PPP2R3A: variants seen among roughly 807,000 people sequenced by gnomAD.
PPP2R3A encodes the protein serine/threonine-protein phosphatase 2A regulatory subunit B'' subunit alpha.
Under a neutral mutation model 106.9 loss-of-function variants are expected in PPP2R3A, and 80 were observed. The ratio of observed to expected loss-of-function variants is 0.75; its 90% confidence interval spans 0.62 to 0.90. The LOEUF is 0.90. PPP2R3A is among the 40% of genes least tolerant of loss of function. The probability of loss-of-function intolerance (pLI) is 0.00; values close to 1 mark genes in which losing one functional copy is unlikely to be tolerated. For synonymous variants in PPP2R3A, 483 were observed against 468.3 expected, an observed-to-expected ratio of 1.03 and a Z score of -0.41; for missense variants, 1,386 against 1,350.4, an observed-to-expected ratio of 1.03 and a Z score of -0.41.
In PPP2R3A at chr3:136,133,788, A is replaced by T. The variant is rs186989930; in HGVS notation, c.3330-11255A>T. Among the ~76,000 whole-genome samples the T allele has an allele frequency of 7.9e-3, 1,177 of 149,090 alleles. 14 individuals are homozygous for T. The highest frequency in any genetic ancestry group is 0.048 in the East Asian group (245 of 5,114). On this transcript the variant is annotated intron_variant, in intron 13 of 13. Transcript: ENST00000264977. ...CAAAAATAAATATGTATATATATATATTTTTAAATATATGTATTTTTTATA... is the reference window on the plus strand; with the variant it reads ...CAAAAATAAATATGTATATATATATTTTTTTAAATATATGTATTTTTTATA...
intron 5 of PPP2R3A, among the ~76,000 whole-genome samples, chr3:136,062,643 G>T (rs545133487): frequency 6.6e-6 from 1 of 151,628 alleles, no homozygotes; most frequent in African/African-American, 2.4e-5. Context: ...GCGTGAACCT[G>T]GGAGGCGGAG....
rs1938105848 is a variant in PPP2R3A, at chr3:136,124,322, T to A, written c.3329+18000T>A. ...CTGGGCAGCACAGCGAGACCCCACT[T>A]CTACAGAATTAGCCGGGCATGGGGA... On this transcript the variant is annotated intron_variant, in intron 13 of 13. Coordinates refer to ENST00000264977, the MANE Select transcript of PPP2R3A (RefSeq NM_002718.5). Among the ~76,000 whole-genome samples the A allele has an allele frequency of 2.6e-5, 4 of 152,120 alleles. No homozygotes were observed. The East Asian group carries it at 7.7e-4, about 29-fold the overall frequency.
At chr3:136,037,251 C>G (rs1935116846) in intron 3 of PPP2R3A, among the ~76,000 whole-genome samples, 1 of 152,216 alleles carries the variant, frequency 6.6e-6, no homozygotes, top group South Asian at 2.1e-4. Flanking sequence ...AGACCTCAAA[C>G]AGCCCTGAAG....
intron 2 of PPP2R3A, among the ~76,000 whole-genome samples, chr3:136,018,571 G>C (rs1203839607): frequency 6.6e-6 from 1 of 152,186 alleles, no homozygotes; most frequent in African/African-American, 2.4e-5. Context: ...CTAACAGAAT[G>C]AATTGTATAA....
intron 12 of PPP2R3A, among the ~76,000 whole-genome samples, chr3:136,105,047 C>T (rs773703155): frequency 2.0e-5 from 3 of 152,074 alleles, no homozygotes; most frequent in Non-Finnish European, 4.4e-5. Context: ...TGAAGAGATA[C>T]TGGATATATG....
intron 2 of PPP2R3A, among the ~76,000 whole-genome samples, chr3:136,013,369 C>CA (rs1421450720): frequency 6.6e-6 from 1 of 151,968 alleles, no homozygotes; most frequent in South Asian, 2.1e-4. Context: ...GGGTAGATAC[C>CA]CAGTAGTGGG....
At chr3:136,061,752 C>T (rs60262328) in intron 5 of PPP2R3A, among the ~76,000 whole-genome samples, 1 of 151,896 alleles carries the variant, frequency 6.6e-6, no homozygotes, top group Non-Finnish European at 1.5e-5. Context: ...AACCCTGTCT[C>T]TACTAAAAAT....
At chr3:136,099,835 G>C (rs1283616133) in intron 10 of PPP2R3A, among the ~76,000 whole-genome samples, 1 of 151,098 alleles carries the variant, frequency 6.6e-6, no homozygotes, top group South Asian at 2.1e-4. Flanking sequence ...AATTTGATTA[G>C]CCACATTTCA....
At position 136,147,565 on chromosome 3, in the gene PPP2R3A, TTAAGTATA is replaced by T. The variant is rs1939187633; in HGVS notation, c.*2400_*2407del. The T allele has an allele frequency of 6.6e-6, 1 of 152,624 alleles. No homozygotes were observed. The highest frequency in any genetic ancestry group is 2.1e-4 in the South Asian group (1 of 4,828). 9.5% of individuals were successfully genotyped at this position (152,624 alleles called of 1,614,324 possible). A position where few individuals can be genotyped will look rare whatever the true frequency, so the allele number is the denominator to read the frequency against. Reference sequence around the variant, plus strand: ...TTTGACTTTCTGGTAAAGATCATGGTTAAGTATAATCATTACTGCCAAACTGGAATTTT... The same window carrying T: ...TTTGACTTTCTGGTAAAGATCATGGTATCATTACTGCCAAACTGGAATTTT... On this transcript the variant is annotated 3_prime_UTR_variant, in exon 14 of 14. Coordinates refer to ENST00000264977, the MANE Select transcript of PPP2R3A (RefSeq NM_002718.5).
intron 1 of PPP2R3A, among the ~76,000 whole-genome samples, chr3:135,974,058 T>C (rs1161163838): frequency 6.6e-6 from 1 of 152,210 alleles, no homozygotes; most frequent in Non-Finnish European, 1.5e-5. Context: ...TTACTTGACC[T>C]TTCAGCAGCA....
intron 5 of PPP2R3A, among the ~76,000 whole-genome samples, chr3:136,053,369 A>C (rs547736249): frequency 4.9e-4 from 74 of 152,272 alleles, no homozygotes; most frequent in Non-Finnish European, 7.9e-4. Context: ...TCAAAAAAAA[A>C]GAAAAAAAAA....
chr3:136,030,394 T>C (rs1934829236), intron 3 of PPP2R3A, among the ~76,000 whole-genome samples: 1 of 152,136 alleles, frequency 6.6e-6, no homozygotes, highest in African/African-American at 2.4e-5. Flanking sequence ...TAGCTAATTC[T>C]CTTTTTTTCT....
intron 3 of PPP2R3A, among the ~76,000 whole-genome samples, chr3:136,033,488 A>G (rs1934978034): frequency 6.6e-6 from 1 of 152,254 alleles, no homozygotes; most frequent in South Asian, 2.1e-4. Context: ...AATGTCTGGT[A>G]GAATTCGGCT....
At chr3:136,127,752 G>A (rs915768912) in intron 13 of PPP2R3A, among the ~76,000 whole-genome samples, 1 of 152,146 alleles carries the variant, frequency 6.6e-6, no homozygotes, top group Non-Finnish European at 1.5e-5. Context: ...AGTGCTAAGG[G>A]CAGCCAGAGA....
rs777231140 is a variant in PPP2R3A, at chr3:136,002,726, G to A, written c.1228G>A (p.Asp410Asn). ...MNPLENVSSD[D>N]LMETLYIEEE... ...TCCTTTAGAAAATGTTTCTTCTGAC[G>A]ACTTAATGGAAACTCTTTATATTGA... The change falls in exon 2 of 14, where the codon GAC (aspartate) becomes AAC (asparagine). Residue 410 changes from aspartate to asparagine, a missense_variant. Physicochemically the swap from Asp to Asn is conservative, Grantham distance 23 (BLOSUM62 1). Transcript: ENST00000264977. 4 of 1,612,746 alleles carry A rather than the reference G, an allele frequency of 2.5e-6. No individual in the cohort carries two copies. Among genetic ancestry groups the A allele is most frequent in the South Asian group, 2.2e-5 (2 of 90,704 alleles).
intron 4 of PPP2R3A, among the ~76,000 whole-genome samples, chr3:136,048,168 T>C (rs1463844932): frequency 4.6e-5 from 7 of 151,826 alleles, no homozygotes; most frequent in Admixed American, 4.6e-4. Context: ...ACAGAAATAA[T>C]AAGCACATGG....
chr3:136,004,604 C>T (rs1017918152), intron 2 of PPP2R3A, among the ~76,000 whole-genome samples: 15 of 152,168 alleles, frequency 9.9e-5, no homozygotes, highest in Non-Finnish European at 1.0e-4. Flanking sequence ...TGTATGAATT[C>T]AGACATAAAG....
chr3:135,977,646 C>T (rs1576405821), intron 1 of PPP2R3A, among the ~76,000 whole-genome samples: 1 of 144,372 alleles, frequency 6.9e-6, no homozygotes, highest in African/African-American at 2.6e-5. Context: ...TTTTAAGATG[C>T]TCTTTATTAA....
intron 2 of PPP2R3A, among the ~76,000 whole-genome samples, chr3:136,009,586 G>A (rs1396167535): frequency 1.3e-5 from 2 of 152,102 alleles, no homozygotes; most frequent in Non-Finnish European, 2.9e-5. Context: ...GGTTTTAAGA[G>A]TATGGTTCCC....
Sources: allele counts gnomAD v4.1 joint callset (sites outside exome capture counted in the v4.1 genomes callset), GRCh38; gene constraint gnomAD v4.1.1; transcripts MANE v1.5; gene names NCBI Gene and HGNC (gene_info 2026-07-23, HGNC 2026-07-21).